Variants in BMP6 observed in about 807,000 individuals in gnomAD.
BMP6 encodes the protein bone morphogenetic protein 6, also known as VG-1-R.
Under a neutral mutation model 54.1 loss-of-function variants are expected in BMP6, and 17 were observed. That is an observed-to-expected ratio of 0.31 (90% confidence interval 0.22 to 0.47). BMP6 has a LOEUF of 0.47. Among genes scored for constraint, BMP6 ranks in the 20% least tolerant of loss-of-function variants. BMP6 has a pLI of 1.00. For missense variants in BMP6, 720 were observed against 690.4 expected (o/e 1.04, Z -0.48); for synonymous variants, 328 against 291.2 (o/e 1.13, Z -1.28).
chr6:7,736,201 C>T (rs755431520), intron 1 of BMP6, among the ~76,000 whole-genome samples: 1 of 152,132 alleles, frequency 6.6e-6, no homozygotes, highest in Non-Finnish European at 1.5e-5. Context: ...GTGTCTGTCA[C>T]CATAGTACCT....
chr6:7,799,779 G>A (rs1758242816), intron 1 of BMP6, among the ~76,000 whole-genome samples: 1 of 150,906 alleles, frequency 6.6e-6, no homozygotes, highest in Non-Finnish European at 1.5e-5. Context: ...GTGCTTAAAA[G>A]CATATTATCA....
At chr6:7,859,479 T>C (rs1759301188) in intron 2 of BMP6, among the ~76,000 whole-genome samples, 1 of 152,034 alleles carries the variant, frequency 6.6e-6, no homozygotes, top group Non-Finnish European at 1.5e-5. Flanking sequence ...GCCAGCCACA[T>C]TCTGCCCGTG....
chr6:7,758,362 A>AACTGGC (rs1232626523), intron 1 of BMP6, among the ~76,000 whole-genome samples: 5 of 152,186 alleles, frequency 3.3e-5, no homozygotes, highest in Non-Finnish European at 5.9e-5. Flanking sequence ...GGTCAGAAAT[A>AACTGGC]ACTGGCAGAA....
At chr6:7,877,465 T>C (rs959940214) in intron 4 of BMP6, among the ~76,000 whole-genome samples, 22 of 152,028 alleles carry the variant, frequency 1.4e-4, no homozygotes, top group African/African-American at 5.3e-4. Context: ...CTACTAAAAA[T>C]ACAAAAAATT....
chr6:7,868,858 G>GCCCACCTCTCTCCCTCTCCCTC (rs919202805), intron 4 of BMP6, among the ~76,000 whole-genome samples: 110 of 152,146 alleles, frequency 7.2e-4, no homozygotes, highest in Middle Eastern at 3.4e-3. Flanking sequence ...ACGACTCCCT[G>GCCCACCTCTCTCCCTCTCCCTC]CCCACCTCTC....
chr6:7,749,470 C>T (rs1757391137), intron 1 of BMP6, among the ~76,000 whole-genome samples: 1 of 152,122 alleles, frequency 6.6e-6, no homozygotes, highest in Non-Finnish European at 1.5e-5. Flanking sequence ...TAAGTTGTCT[C>T]AGATCTATTT....
intron 1 of BMP6, among the ~76,000 whole-genome samples, chr6:7,739,917 C>CT (rs1255423649): frequency 1.3e-5 from 2 of 152,206 alleles, no homozygotes; most frequent in African/African-American, 2.4e-5. Context: ...TTCTACAACA[C>CT]TGCCTGCTCA....
intron 1 of BMP6, among the ~76,000 whole-genome samples, chr6:7,757,351 G>C (rs1349700278): frequency 6.6e-6 from 1 of 152,178 alleles, no homozygotes; most frequent in East Asian, 1.9e-4. Context: ...CTTTCTCTGA[G>C]CTTCTGGTGT....
intron 1 of BMP6, among the ~76,000 whole-genome samples, chr6:7,842,837 T>C (rs982227022): frequency 6.6e-6 from 1 of 152,230 alleles, no homozygotes; most frequent in Admixed American, 6.5e-5. Flanking sequence ...ATTTCTTATA[T>C]TTTTTCTAAG....
At chr6:7,727,712 G>A (rs777061085) in intron 1 of BMP6, 93 bp downstream of exon 1, 4 of 1,346,354 alleles carry the variant, frequency 3.0e-6, no homozygotes, top group African/African-American at 1.5e-5. Context: ...AGGAGCTCCC[G>A]GCGCGCGGGT....
At chr6:7,778,857 C>G (rs1757899149) in intron 1 of BMP6, among the ~76,000 whole-genome samples, 1 of 152,164 alleles carries the variant, frequency 6.6e-6, no homozygotes, top group Non-Finnish European at 1.5e-5. Flanking sequence ...ATTTCTGTTA[C>G]CTCTATTCAT....
intron 1 of BMP6, among the ~76,000 whole-genome samples, chr6:7,809,153 A>G (rs1758399698): frequency 6.7e-6 from 1 of 149,568 alleles, no homozygotes; most frequent in Admixed American, 6.7e-5. Context: ...TTGACTAAAA[A>G]ATGTAAAAGT....
At chr6:7,750,408 C>G (rs999126901) in intron 1 of BMP6, among the ~76,000 whole-genome samples, 3 of 152,198 alleles carry the variant, frequency 2.0e-5, no homozygotes, top group Admixed American at 1.3e-4. Context: ...GATGAGGAAG[C>G]AGAGGAGATC....
intron 1 of BMP6, among the ~76,000 whole-genome samples, chr6:7,844,469 G>A (rs934365323): frequency 1.3e-5 from 2 of 151,970 alleles, no homozygotes; most frequent in African/African-American, 4.8e-5. Context: ...ACTTCCCAGT[G>A]TGGAGAGTCC....
chr6:7,788,890 A>C (rs557968667), intron 1 of BMP6, among the ~76,000 whole-genome samples: 7 of 141,842 alleles, frequency 4.9e-5, no homozygotes, highest in African/African-American at 1.9e-4. Flanking sequence ...TTTTTTTTTA[A>C]AGTGTTCTGT....
At chr6:7,815,135 T>C (rs555835328) in intron 1 of BMP6, among the ~76,000 whole-genome samples, 2 of 152,316 alleles carry the variant, frequency 1.3e-5, no homozygotes, top group South Asian at 2.1e-4. Flanking sequence ...TGCCCAAGAA[T>C]TCCTGGGACT....
At chr6:7,732,649 C>T (rs574399743) in intron 1 of BMP6, among the ~76,000 whole-genome samples, 1 of 152,052 alleles carries the variant, frequency 6.6e-6, no homozygotes, top group Non-Finnish European at 1.5e-5. Context: ...TTTTACTTGA[C>T]TATGAATACT....
At chr6:7,744,085 A>G (rs923418920) in intron 1 of BMP6, among the ~76,000 whole-genome samples, 2 of 152,242 alleles carry the variant, frequency 1.3e-5, no homozygotes, top group Admixed American at 1.3e-4. Flanking sequence ...CTTAGATTCT[A>G]TGATTAACAT....
chr6:7,760,963 A>G (rs1470230286), intron 1 of BMP6, among the ~76,000 whole-genome samples: 2 of 152,250 alleles, frequency 1.3e-5, no homozygotes, highest in African/African-American at 4.8e-5. Context: ...GCCATTACGG[A>G]CATTGTTCTT....
Sources: allele counts gnomAD v4.1 joint callset (sites outside exome capture counted in the v4.1 genomes callset), GRCh38; gene constraint gnomAD v4.1.1; transcripts MANE v1.5; gene names NCBI Gene and HGNC (gene_info 2026-07-23, HGNC 2026-07-21).